Variants in LTBP4 observed in about 807,000 individuals in gnomAD.
LTBP4 encodes latent-transforming growth factor beta-binding protein 4.
Under a neutral mutation model 180.2 loss-of-function variants are expected in LTBP4, and 93 were observed. The ratio of observed to expected loss-of-function variants is 0.52; its 90% CI spans 0.44 to 0.61. The LOEUF is 0.61. Among genes scored for constraint, LTBP4 ranks in the 20% least tolerant of loss-of-function variants. The pLI is 0.00. For missense variants in LTBP4, 2,116 were observed against 2,256.5 expected, an observed-to-expected ratio of 0.94 and a Z score of 1.26; for synonymous variants, 947 against 934.5, an observed-to-expected ratio of 1.01 and a Z score of -0.24.
chr19:40,593,476 T>C (rs558380289), intron 1 of LTBP4, among the ~76,000 whole-genome samples: 2 of 152,218 alleles, frequency 1.3e-5, no homozygotes, highest in East Asian at 3.9e-4. Context: ...ACTCCTGGGC[T>C]CAAGCCATTC....
At chr19:40,604,379 T>G (rs1191829038) in intron 1 of LTBP4, among the ~76,000 whole-genome samples, 1 of 149,346 alleles carries the variant, frequency 6.7e-6, no homozygotes, top group African/African-American at 2.5e-5. Flanking sequence ...TGCCAGGGAG[T>G]GGTTAAAATG....
chr19:40,621,128 A>G (rs935587489), intron 22 of LTBP4, among the ~76,000 whole-genome samples: 1 of 152,146 alleles, frequency 6.6e-6, no homozygotes, highest in African/African-American at 2.4e-5. Context: ...TTTTTAGTAC[A>G]GACGGGGTTT....
rs746181748 is a variant in LTBP4 at position 40,614,454 on chromosome 19, T to C, written c.2812+8T>C. ...CCGAGGGCACCTGTGACGGTGAGCC[T>C]GCCCCCACCCGCCTTCGCTAGCGCT... On this transcript the variant is annotated splice_region_variant and intron_variant, in intron 19 of 29. Coordinates refer to ENST00000396819, the MANE Select transcript of LTBP4 (RefSeq NM_001042545.2). 11 of 1,597,006 alleles carry C rather than the reference T, an allele frequency of 6.9e-6. No homozygotes were observed. Among genetic ancestry groups the C allele is most frequent in the Non-Finnish European group, 8.5e-6 (10 of 1,178,990 alleles).
intron 26 of LTBP4, among the ~76,000 whole-genome samples, chr19:40,625,287 T>TAA (rs2081621321): frequency 1.0e-4 from 1 of 9,710 alleles, no homozygotes; most frequent in African/African-American, 1.4e-3. Flanking sequence ...TATATATATA[T>TAA]ATATATATAT....
chr19:40,599,322 C>T (rs1044343847), upstream of LTBP4: 2 of 1,608,548 alleles, frequency 1.2e-6, no homozygotes, highest in Admixed American at 1.7e-5. Flanking sequence ...GCAGGGAGCT[C>T]CCCATCCCTC....
upstream of LTBP4, among the ~76,000 whole-genome samples, chr19:40,600,673 C>G (rs2081417233): frequency 6.6e-6 from 1 of 152,144 alleles, no homozygotes; most frequent in African/African-American, 2.4e-5. This position sits in a 1 kb window ranked among gnomAD's most constrained non-coding sequence, Gnocchi z 4.4. Flanking sequence ...CTTGCTGTAG[C>G]CTTCAGCCCA....
chr19:40,617,190 G>A lies in LTBP4; in HGVS notation c.3035G>A (p.Gly1012Asp). ...TCCTTCCAGTGCCTCTGTGACCAGG[G>A]TTACGAGGGGGCACGGGATGGGCGT... Reference protein sequence around the residue: ...PGSFQCLCDQGYEGARDGRHC... With the variant: ...PGSFQCLCDQDYEGARDGRHC... Residue 1012 changes from glycine (G) to aspartate (D), a missense_variant, in exon 21 of 30, where the codon GGT becomes GAT. Coordinates refer to ENST00000396819, the MANE Select transcript of LTBP4 (RefSeq NM_001042545.2). The A allele has an allele frequency of 6.2e-7, 1 of 1,613,876 alleles. No individual in the cohort carries two copies. The highest frequency in any genetic ancestry group is 8.5e-7 in the Non-Finnish European group (1 of 1,179,842).
rs1314142911 is a variant in LTBP4 at position 40,607,506 on chromosome 19, AG to A, written c.1134del (p.Gln378HisfsTer366). The A allele has an allele frequency of 1.9e-6, 3 of 1,611,666 alleles. No homozygotes were observed. The highest frequency in any genetic ancestry group is 2.5e-6 in the Non-Finnish European group (3 of 1,179,174). On this transcript the variant is annotated frameshift_variant, in exon 7 of 30. Transcript: ENST00000396819. LOFTEE classifies it high-confidence loss of function. ...GGCAAGGCCTGGGGCCGGGGCTGCC[AG>A]CTCTGCCCACCCTTCGGCTCAGGTG... ...RVGKAWGRGC[Q>X]LCPPFGSEGF...
chr19:40,612,329 C>T (rs1269886526), intron 15 of LTBP4, 137 bp downstream of exon 15: 1 of 1,209,164 alleles, frequency 8.3e-7, no homozygotes, highest in Non-Finnish European at 1.1e-6. Context: ...TGACTCCTGA[C>T]CCTGACCTGG....
chr19:40,611,480 A>AC lies in LTBP4; in HGVS notation c.2053+86_2053+87insC. On this transcript the variant is annotated intron_variant, in intron 13 of 29. Coordinates refer to ENST00000396819, the MANE Select transcript of LTBP4 (RefSeq NM_001042545.2). This position sits in a 1 kb window ranked among gnomAD's most constrained non-coding sequence, Gnocchi z 4.4. Reference sequence around the variant, plus strand: ...TATTGAGGGGCAGAGAGGCAGAGTGATGGGGCTCAGGGATGGAGAACAGGG... The same window carrying AC: ...TATTGAGGGGCAGAGAGGCAGAGTGACTGGGGCTCAGGGATGGAGAACAGGG... 1 of 1,517,380 alleles carries AC rather than the reference A, an allele frequency of 6.6e-7. No homozygotes were observed. Among genetic ancestry groups the AC allele is most frequent in the Non-Finnish European group, 8.8e-7 (1 of 1,135,158 alleles). The allele number at this position is 1,517,380 out of a possible 1,614,324, so 94.0% of individuals were successfully genotyped here.
Position 40,629,457 on chromosome 19 carries a change from C to T in LTBP4, c.4581C>T (p.Leu1527=). The change falls in exon 30 of 30, where the codon CTC becomes CTT. Residue 1527 remains leucine (L), a synonymous_variant. Transcript: ENST00000396819. This position sits in a 1 kb window ranked among gnomAD's most constrained non-coding sequence, Gnocchi z 4.5. ...CGCTGTGCGTCAACGCGCGTTGCCT[C>T]AACACGGATGGCTCCTTCCGCTGCA... The part of the protein sequence containing the change: ...ASPLCVNARC[L]NTDGSFRCIC... The T allele has an allele frequency of 1.9e-6, 3 of 1,611,970 alleles. No homozygotes were observed. The highest frequency in any genetic ancestry group is 2.5e-6 in the Non-Finnish European group (3 of 1,179,008).
At chr19:40,597,319 AGCCCCAGCCCC>A, upstream of LTBP4, 1 of 1,520,382 alleles carries the variant, frequency 6.6e-7, no homozygotes, top group Non-Finnish European at 8.8e-7. Flanking sequence ...CTCCGCCGCC[AGCCCCAGCCCC>A]AGCCCCAGCC....
chr19:40,598,269 C>T (rs1477540517), upstream of LTBP4, among the ~76,000 whole-genome samples: 1 of 152,012 alleles, frequency 6.6e-6, no homozygotes, highest in East Asian at 1.9e-4. Context: ...GGAGGGATGA[C>T]GGCAAGATCG....
At chr19:40,603,364 C>G (rs2081437083) in intron 1 of LTBP4, among the ~76,000 whole-genome samples, 1 of 152,150 alleles carries the variant, frequency 6.6e-6, no homozygotes. Flanking sequence ...GGAGGGGATT[C>G]CACAGAGGGA....
chr19:40,627,104 C>T lies in LTBP4; in HGVS notation c.4115C>T (p.Pro1372Leu). Residue 1372 changes from proline (P) to leucine (L), a missense_variant, in exon 28 of 30, where the codon CCT (proline) becomes CTT (leucine). Coordinates refer to ENST00000396819, the MANE Select transcript of LTBP4 (RefSeq NM_001042545.2). ...CCTTACCAGGGCCTCCCATATGGGCCTGAGTTGTACCCACCACCTGCGCTA... is the reference window on the plus strand; with the variant it reads ...CCTTACCAGGGCCTCCCATATGGGCTTGAGTTGTACCCACCACCTGCGCTA... Reference protein sequence around the residue: ...GPPYQGLPYGPELYPPPALPY... With the variant: ...GPPYQGLPYGLELYPPPALPY... 3 of 1,613,968 alleles carry T rather than the reference C, an allele frequency of 1.9e-6. No homozygotes were observed. Among genetic ancestry groups the T allele is most frequent in the Non-Finnish European group, 2.5e-6 (3 of 1,179,850 alleles).
In LTBP4 at chr19:40,623,595, T is replaced by C; in HGVS notation, c.3557-9T>C. On this transcript the variant is annotated splice_polypyrimidine_tract_variant and intron_variant, in intron 24 of 29. Coordinates refer to ENST00000396819, the MANE Select transcript of LTBP4 (RefSeq NM_001042545.2). Reference sequence around the variant, plus strand: ...CCCGCCCCCATCTCTCTCTCTGCTTTTCGCACAGACGTGGACGAATGTCAG... The same window carrying C: ...CCCGCCCCCATCTCTCTCTCTGCTTCTCGCACAGACGTGGACGAATGTCAG... 6.2e-7 allele frequency: 1 copy of C among 1,610,898 alleles called. No homozygotes were observed. The highest frequency in any genetic ancestry group is 8.5e-7 in the Non-Finnish European group (1 of 1,178,178).
Position 40,613,844 on chromosome 19 carries a change from G to T in LTBP4, c.2558-72G>T, listed in dbSNP as rs1599868881. On this transcript the variant is annotated intron_variant, in intron 17 of 29. Coordinates refer to ENST00000396819, the MANE Select transcript of LTBP4 (RefSeq NM_001042545.2). This position sits in a 1 kb window ranked among gnomAD's most constrained non-coding sequence, Gnocchi z 5.0. ...AGAGGCCTAGGAGAGCCGAGGGGCGGTGGAGGGGTGTGGCCTAGAATGTTA... is the reference window on the plus strand; with the variant it reads ...AGAGGCCTAGGAGAGCCGAGGGGCGTTGGAGGGGTGTGGCCTAGAATGTTA... 1.2e-6 allele frequency: 2 copies of T among 1,601,612 alleles called. 1 individual carries two copies. The highest frequency in any genetic ancestry group is 3.4e-5 in the Admixed American group (2 of 59,282).
chr19:40,621,939 G>A (rs936518910), intron 22 of LTBP4, among the ~76,000 whole-genome samples: 28 of 152,138 alleles, frequency 1.8e-4, no homozygotes, highest in African/African-American at 5.8e-4. Context: ...AGTAGAGACC[G>A]GGTTTCACCA....
Position 40,611,925 on chromosome 19 carries a change from G to A in LTBP4, c.2120G>A (p.Ser707Asn), listed in dbSNP as rs1380466042. 1.2e-6 allele frequency: 2 copies of A among 1,610,978 alleles called. No homozygotes were observed. Among genetic ancestry groups the A allele is most frequent in the African/African-American group, 2.7e-5 (2 of 74,848 alleles). Residue 707 changes from serine (S) to asparagine (N), a missense_variant, in exon 14 of 30, where the codon AGC (serine) becomes AAC (asparagine). Around this residue, in one of 5 missense-constraint regions of LTBP4, gnomAD observed 877 missense variants for 873.6 expected, o/e 1.00. Transcript: ENST00000396819. This position sits in a 1 kb window ranked among gnomAD's most constrained non-coding sequence, Gnocchi z 4.4. Reference sequence around the variant, plus strand: ...GGCCGGTGTGAGAACACAGAAGGCAGCTTCCAGTGTGTCTGCCCCATGGGC... The same window carrying A: ...GGCCGGTGTGAGAACACAGAAGGCAACTTCCAGTGTGTCTGCCCCATGGGC... ...TYGRCENTEGSFQCVCPMGFQ... is the reference protein window; with the variant it reads ...TYGRCENTEGNFQCVCPMGFQ...
Sources: gnomAD v4.1 joint callset for allele counts (sites outside exome capture counted in the v4.1 genomes callset) on GRCh38, gnomAD v4.1.1 for gene constraint, gnomAD v4.1.1 regional missense constraint, Gnocchi (gnomAD v3.1) non-coding constraint, MANE v1.5 for transcripts, NCBI Gene and HGNC (gene_info 2026-07-23, HGNC 2026-07-21) for gene names.